The following ERC2 variants were observed in gnomAD, a reference collection of about 807,000 sequenced individuals.
ERC2 encodes the protein ELKS/RAB6-interacting/CAST family member 2.
ERC2 carries 42 observed loss-of-function variants against 114.8 expected under a neutral mutation model. The ratio of observed to expected loss-of-function variants is 0.37; its 90% CI spans 0.29 to 0.47. The LOEUF (loss-of-function observed/expected upper bound fraction) is 0.47. Ranked by LOEUF, ERC2 falls within the 20% of genes least tolerant of loss-of-function variation. The pLI is 0.99. For missense variants in ERC2, 939 were observed against 1,150.7 expected (o/e 0.82, Z 2.66); for synonymous variants, 454 against 425.5 (o/e 1.07, Z -0.82).
chr3:56,082,877 T>C (rs771594165), intron 6 of ERC2, among the ~76,000 whole-genome samples: 1 of 152,092 alleles, frequency 6.6e-6, no homozygotes. Context: ...CTAATGAACC[T>C]AGATCCCTCA....
intron 14 of ERC2, among the ~76,000 whole-genome samples, chr3:55,761,894 A>G (rs1305699601): frequency 6.7e-6 from 1 of 148,804 alleles, no homozygotes; most frequent in Non-Finnish European, 1.5e-5. Context: ...AAAAAAAAAA[A>G]GTATGTGGCT....
intron 17 of ERC2, among the ~76,000 whole-genome samples, chr3:55,664,714 C>G (rs2061287130): frequency 6.6e-6 from 1 of 152,162 alleles, no homozygotes; most frequent in South Asian, 2.1e-4. Flanking sequence ...CATACCGCGG[C>G]CCAGAGCTTC....
chr3:55,689,418 C>T (rs2062514055), intron 16 of ERC2, among the ~76,000 whole-genome samples: 1 of 152,142 alleles, frequency 6.6e-6, no homozygotes, highest in Non-Finnish European at 1.5e-5. Context: ...TGGTCGAAGC[C>T]TCTATGTCGG....
intron 15 of ERC2, among the ~76,000 whole-genome samples, chr3:55,716,563 C>T (rs560104443): frequency 2.0e-5 from 3 of 152,146 alleles, no homozygotes; most frequent in Non-Finnish European, 2.9e-5. Flanking sequence ...ATCAGCAAGC[C>T]GCTTGATATC....
intron 13 of ERC2, among the ~76,000 whole-genome samples, chr3:55,942,591 C>A (rs1302034421): frequency 6.6e-6 from 1 of 151,968 alleles, no homozygotes; most frequent in Non-Finnish European, 1.5e-5. Context: ...GCCACCGCGC[C>A]CGGCCCGTCT....
At chr3:55,934,715 T>C (rs188020548) in intron 13 of ERC2, among the ~76,000 whole-genome samples, 16 of 152,334 alleles carry the variant, frequency 1.1e-4, no homozygotes, top group African/African-American at 3.6e-4. Context: ...AATTTCTGGA[T>C]AATTTAGGCC....
At chr3:56,220,402 C>T (rs1027426694) in intron 3 of ERC2, among the ~76,000 whole-genome samples, 3 of 152,148 alleles carry the variant, frequency 2.0e-5, no homozygotes, top group Non-Finnish European at 4.4e-5. Flanking sequence ...ACACTGCCTA[C>T]AATCAGGGTT....
intron 12 of ERC2, among the ~76,000 whole-genome samples, chr3:55,956,387 T>C (rs1308101903): frequency 1.3e-5 from 2 of 152,160 alleles, no homozygotes; most frequent in Non-Finnish European, 2.9e-5. Context: ...ACAATGCACA[T>C]TGCATGCAGA....
chr3:56,382,316 A>G lies in ERC2; in HGVS notation c.657+52035T>C, dbSNP rs1361729383. Among the ~76,000 whole-genome samples, 3 of 151,796 alleles carry G rather than the reference A, an allele frequency of 2.0e-5. No individual in the cohort carries two copies. In the East Asian group the frequency reaches 5.8e-4, roughly 30 times the overall value. On this transcript the variant is annotated intron_variant, in intron 2 of 17. Transcript: ENST00000288221. ...TCAGATCCTATCAGCAGACAAATAT[A>G]TCATCATGTCTCTCATCTCAAAAAG... is the stretch of plus-strand genomic sequence containing the variant.
At chr3:56,279,368 C>A (rs998056282) in intron 3 of ERC2, among the ~76,000 whole-genome samples, 28 of 152,152 alleles carry the variant, frequency 1.8e-4, no homozygotes, top group African/African-American at 6.3e-4. Context: ...CAAGTAGGGA[C>A]CTTAATCCAG....
chr3:56,192,431 A>C (rs2047847311), intron 3 of ERC2, among the ~76,000 whole-genome samples: 1 of 152,192 alleles, frequency 6.6e-6, no homozygotes, highest in Non-Finnish European at 1.5e-5. Context: ...TTTATATTCT[A>C]TCCATTTATT....
At chr3:55,705,775 C>A (rs1018424642) in intron 15 of ERC2, among the ~76,000 whole-genome samples, 10 of 152,200 alleles carry the variant, frequency 6.6e-5, no homozygotes, top group African/African-American at 2.4e-4. Context: ...GTGGCTCTCT[C>A]TCTCGGTCCC....
At chr3:55,531,259 A>G (rs1040901871) in intron 17 of ERC2, among the ~76,000 whole-genome samples, 1 of 152,152 alleles carries the variant, frequency 6.6e-6, no homozygotes, top group African/African-American at 2.4e-5. Flanking sequence ...TCCAGAAGGC[A>G]AGACTCCCAT....
intron 6 of ERC2, among the ~76,000 whole-genome samples, chr3:56,098,349 T>C (rs1226014052): frequency 3.9e-5 from 6 of 152,128 alleles, no homozygotes; most frequent in Non-Finnish European, 7.4e-5. Context: ...GTTTTAGAAG[T>C]GGAGCGTGAG....
chr3:56,144,820 C>T (rs2081053665), intron 5 of ERC2, among the ~76,000 whole-genome samples: 1 of 152,096 alleles, frequency 6.6e-6, no homozygotes, highest in African/African-American at 2.4e-5. Flanking sequence ...CAGAAAAGAG[C>T]CTTTCTAAGG....
At chr3:55,534,947 C>G (rs890240636) in intron 17 of ERC2, among the ~76,000 whole-genome samples, 13 of 152,258 alleles carry the variant, frequency 8.5e-5, no homozygotes, top group African/African-American at 3.1e-4. Context: ...GGTGAAGAGG[C>G]AGCATCTGCA....
At chr3:55,899,940 G>A (rs1189453535) in intron 13 of ERC2, among the ~76,000 whole-genome samples, 2 of 152,218 alleles carry the variant, frequency 1.3e-5, no homozygotes. Context: ...AAAAGCAGTT[G>A]CAGGTAAACA....
At chr3:56,126,673 T>C (rs2079881784) in intron 6 of ERC2, among the ~76,000 whole-genome samples, 1 of 151,890 alleles carries the variant, frequency 6.6e-6, no homozygotes, top group South Asian at 2.1e-4. Flanking sequence ...GAGGATTGCT[T>C]GAGCCCAGGA....
chr3:56,205,506 C>T (rs2048671553), intron 3 of ERC2, among the ~76,000 whole-genome samples: 1 of 152,158 alleles, frequency 6.6e-6, no homozygotes, highest in East Asian at 1.9e-4. Context: ...CTCAGCTAAC[C>T]ACCTAACAAC....
Sources: gnomAD v4.1 joint callset for allele counts (sites outside exome capture counted in the v4.1 genomes callset) on GRCh38, gnomAD v4.1.1 for gene constraint, MANE v1.5 for transcripts, NCBI Gene and HGNC (gene_info 2026-07-23, HGNC 2026-07-21) for gene names.